PTPRG: variants seen among roughly 807,000 people sequenced by gnomAD.
PTPRG encodes receptor-type tyrosine-protein phosphatase gamma.
PTPRG carries 102 observed loss-of-function variants against 165.3 expected under a neutral mutation model. The observed-to-expected ratio is 0.62, with a 90% CI of 0.53 to 0.73. The LOEUF is 0.73. Ranked by LOEUF, PTPRG falls within the 30% of genes least tolerant of loss-of-function variation. The probability of loss-of-function intolerance (pLI) is 0.00; values close to 1 mark genes in which losing one functional copy is unlikely to be tolerated. For missense variants in PTPRG, 1,866 were observed against 1,861.4 expected (o/e 1.00, Z -0.05); for synonymous variants, 675 against 669.5 (o/e 1.01, Z -0.13).
At chr3:61,724,889 A>G (rs2032194642) in intron 1 of PTPRG, among the ~76,000 whole-genome samples, 1 of 152,062 alleles carries the variant, frequency 6.6e-6, no homozygotes, top group Non-Finnish European at 1.5e-5. Context: ...CCCATCAGAT[A>G]TGTGGTTTGC....
At chr3:61,674,678 T>G (rs1703161717) in intron 1 of PTPRG, among the ~76,000 whole-genome samples, 2 of 152,120 alleles carry the variant, frequency 1.3e-5, no homozygotes, top group South Asian at 4.2e-4. Context: ...TTAAAAATAA[T>G]TTTATCTTGA....
intron 17 of PTPRG, among the ~76,000 whole-genome samples, chr3:62,265,847 T>TACACACAC (rs3046596): frequency 4.7e-5 from 6 of 126,944 alleles, no homozygotes; most frequent in East Asian, 2.4e-4. Context: ...CATACATACA[T>TACACACAC]ACACACACAC....
chr3:61,721,394 A>G (rs546653625), intron 1 of PTPRG, among the ~76,000 whole-genome samples: 1 of 152,316 alleles, frequency 6.6e-6, no homozygotes, highest in African/African-American at 2.4e-5. Context: ...AAACTCAAAG[A>G]TGTACCATTC....
chr3:61,579,424 C>T (rs1159788853), intron 1 of PTPRG, among the ~76,000 whole-genome samples: 1 of 152,218 alleles, frequency 6.6e-6, no homozygotes, highest in African/African-American at 2.4e-5. Flanking sequence ...GTGTTTTTTA[C>T]AATGTGGCTA....
chr3:62,171,619 C>T (rs897693788), intron 8 of PTPRG, among the ~76,000 whole-genome samples: 2 of 152,066 alleles, frequency 1.3e-5, no homozygotes, highest in Admixed American at 6.5e-5. Context: ...TTTTGTCTTT[C>T]ACTTGGTGTT....
At chr3:61,927,849 C>G (rs1393517298) in intron 2 of PTPRG, among the ~76,000 whole-genome samples, 1 of 152,072 alleles carries the variant, frequency 6.6e-6, no homozygotes, top group African/African-American at 2.4e-5. Flanking sequence ...AGATACAGTT[C>G]CTCTGTAAAG....
intron 1 of PTPRG, among the ~76,000 whole-genome samples, chr3:61,593,201 C>A (rs1374965634): frequency 2.6e-5 from 4 of 152,084 alleles, no homozygotes; most frequent in Non-Finnish European, 5.9e-5. Context: ...TGGCCCATAT[C>A]CATCTCTTCT....
intron 13 of PTPRG, among the ~76,000 whole-genome samples, chr3:62,225,589 C>G (rs1300987175): frequency 6.7e-6 from 1 of 149,910 alleles, no homozygotes; most frequent in Admixed American, 6.7e-5. Context: ...TGAGCAATAT[C>G]TCACCCCTGA....
intron 2 of PTPRG, among the ~76,000 whole-genome samples, chr3:61,755,011 A>G (rs1266374308): frequency 6.7e-6 from 1 of 148,926 alleles, no homozygotes; most frequent in African/African-American, 2.5e-5. Flanking sequence ...TTTTCTTTTG[A>G]GATGGAGTCT....
Position 62,003,486 on chromosome 3 carries a change from T to C in PTPRG, c.508T>C (p.Phe170Leu). The C allele has an allele frequency of 6.2e-7, 1 of 1,613,462 alleles. No homozygotes were observed. Among genetic ancestry groups the C allele is most frequent in the Non-Finnish European group, 8.5e-7 (1 of 1,179,778 alleles). ...GSEHSINGRR[F>L]PVEMQIFFYN... ...TGAACACAGCATCAATGGCAGGAGG[T>C]TTCCTGTTGAGGTGAGAGAAAGTCA... The change falls in exon 4 of 30, where the codon TTT becomes CTT. Residue 170 changes from phenylalanine (F) to leucine (L), a missense_variant. This residue lies in a region of PTPRG where 408 missense variants were observed against 376.2 expected (regional missense o/e 1.08). Transcript: ENST00000474889.
At chr3:62,133,751 G>A (rs997458591) in intron 6 of PTPRG, among the ~76,000 whole-genome samples, 4 of 152,226 alleles carry the variant, frequency 2.6e-5, no homozygotes, top group Admixed American at 1.3e-4. Flanking sequence ...TTGGGAGGCC[G>A]AAGTGGGTGG....
chr3:62,112,441 AT>A (rs1702706591), intron 5 of PTPRG, among the ~76,000 whole-genome samples: 1 of 152,208 alleles, frequency 6.6e-6, no homozygotes, highest in East Asian at 1.9e-4. Context: ...TTAGGCAAAC[AT>A]TTGTTCTCTC....
At chr3:62,038,094 A>G (rs545352320) in intron 4 of PTPRG, among the ~76,000 whole-genome samples, 1 of 152,332 alleles carries the variant, frequency 6.6e-6, no homozygotes, top group South Asian at 2.1e-4. Context: ...TATTATTTGG[A>G]CAAGTTACTT....
chr3:62,271,615 C>T lies in PTPRG; in HGVS notation c.3182+60C>T. On this transcript the variant is annotated intron_variant, in intron 21 of 29. Coordinates refer to ENST00000474889, the MANE Select transcript of PTPRG (RefSeq NM_002841.4). The surrounding 1 kb of genome is among the most constrained non-coding windows in gnomAD (Gnocchi z 4.1). Reference sequence around the variant, plus strand: ...GGCAGGGGACTTAGGCCTCAGTGACCTTGGACCACAATGATTGCTACTGCT... The same window carrying T: ...GGCAGGGGACTTAGGCCTCAGTGACTTTGGACCACAATGATTGCTACTGCT... 1 of 1,469,250 alleles carries T rather than the reference C, an allele frequency of 6.8e-7. No homozygotes were observed. The highest frequency in any genetic ancestry group is 9.2e-7 in the Non-Finnish European group (1 of 1,081,362). 91.0% of individuals were successfully genotyped at this position (1,469,250 alleles called of 1,614,324 possible). A position where few individuals can be genotyped will look rare whatever the true frequency, so the allele number is the denominator to read the frequency against.
intron 4 of PTPRG, among the ~76,000 whole-genome samples, chr3:62,025,162 A>G (rs2041778181): frequency 1.3e-5 from 2 of 152,176 alleles, no homozygotes; most frequent in South Asian, 4.1e-4. Context: ...AAAAATTTTT[A>G]ATATGTGGTG....
At chr3:61,581,368 C>A (rs1700288916) in intron 1 of PTPRG, among the ~76,000 whole-genome samples, 1 of 152,218 alleles carries the variant, frequency 6.6e-6, no homozygotes, top group Non-Finnish European at 1.5e-5. Context: ...AGCGGTCTTT[C>A]TCCACACACA....
chr3:61,782,385 A>T (rs1203804713), intron 2 of PTPRG, among the ~76,000 whole-genome samples: 2 of 152,244 alleles, frequency 1.3e-5, no homozygotes, highest in Non-Finnish European at 2.9e-5. Context: ...ACAATGCTTT[A>T]TTCATCAATT....
chr3:61,794,465 G>C (rs756604582), intron 2 of PTPRG, among the ~76,000 whole-genome samples: 59 of 152,230 alleles, frequency 3.9e-4, no homozygotes, highest in Non-Finnish European at 6.5e-4. Context: ...TTTTTCAGTA[G>C]TCAACATACC....
At chr3:61,710,294 T>A (rs1038361223) in intron 1 of PTPRG, among the ~76,000 whole-genome samples, 4 of 152,226 alleles carry the variant, frequency 2.6e-5, no homozygotes, top group African/African-American at 9.6e-5. Context: ...TCTTCCTTAT[T>A]TAAATGATGA....
Sources: gnomAD v4.1 joint callset for allele counts (sites outside exome capture counted in the v4.1 genomes callset) on GRCh38, gnomAD v4.1.1 for gene constraint, gnomAD v4.1.1 regional missense constraint, Gnocchi (gnomAD v3.1) non-coding constraint, MANE v1.5 for transcripts, NCBI Gene and HGNC (gene_info 2026-07-23, HGNC 2026-07-21) for gene names.